The following LDB2 variants were observed in gnomAD, a reference collection of about 807,000 sequenced individuals.
LDB2 encodes LIM domain-binding protein 2.
LDB2 carries 12 observed loss-of-function variants against 44.3 expected under a neutral mutation model. That is an observed-to-expected ratio of 0.27 (90% CI 0.17 to 0.44). The LOEUF is 0.44. Among genes scored for constraint, LDB2 ranks in the 20% least tolerant of loss-of-function variants. The probability of loss-of-function intolerance (pLI) is 1.00; values close to 1 mark genes in which losing one functional copy is unlikely to be tolerated. For synonymous variants in LDB2, 164 were observed against 174.8 expected (o/e 0.94, Z 0.49); for missense variants, 344 against 473.5 (o/e 0.73, Z 2.54).
At chr4:16,747,657 A>G (rs1426675319) in intron 2 of LDB2, among the ~76,000 whole-genome samples, 1 of 152,214 alleles carries the variant, frequency 6.6e-6, no homozygotes, top group African/African-American at 2.4e-5. Context: ...TACATCTCTC[A>G]GCTAGCTAAC....
intron 1 of LDB2, among the ~76,000 whole-genome samples, chr4:16,877,811 T>C (rs1010003237): frequency 8.5e-5 from 13 of 152,146 alleles, no homozygotes; most frequent in African/African-American, 3.1e-4. Flanking sequence ...GTGTCTGCAG[T>C]TGTACCTAAA....
At chr4:16,649,943 T>A (rs1399530595) in intron 2 of LDB2, among the ~76,000 whole-genome samples, 1 of 152,224 alleles carries the variant, frequency 6.6e-6, no homozygotes, top group African/African-American at 2.4e-5. Context: ...ATTTTCCTCC[T>A]ACCTGTCAAT....
chr4:16,889,092 A>AAC (rs35916896), intron 1 of LDB2: 30,398 of 149,284 alleles, frequency 0.2, 5,541 homozygotes, highest in African/African-American at 0.5. Context: ...CACACACATA[A>AAC]ACACACACAC....
At position 16,533,096 on chromosome 4, in the gene LDB2, C is replaced by T. The variant is rs1230444485; in HGVS notation, c.616-20992G>A. 6.6e-6 allele frequency among the ~76,000 whole-genome samples: 1 copy of T among 152,124 alleles called. No individual in the cohort carries two copies. The highest frequency in any genetic ancestry group is 2.4e-5 in the African/African-American group (1 of 41,426). On this transcript the variant is annotated intron_variant, in intron 5 of 7. Coordinates refer to ENST00000304523, the MANE Select transcript of LDB2 (RefSeq NM_001290.5). This position sits in a 1 kb window ranked among gnomAD's most constrained non-coding sequence, Gnocchi z 4.1. Reference sequence around the variant, plus strand: ...TCCCAGATTTTAAAACTAGAAGTTCCAGATCCCAGGAAACCTCTCAGTCCC... The same window carrying T: ...TCCCAGATTTTAAAACTAGAAGTTCTAGATCCCAGGAAACCTCTCAGTCCC...
chr4:16,552,035 T>A (rs1480704033), intron 5 of LDB2, among the ~76,000 whole-genome samples: 1 of 152,222 alleles, frequency 6.6e-6, no homozygotes, highest in South Asian at 2.1e-4. Flanking sequence ...GCCTCTACTA[T>A]TTGTAGGCTG....
chr4:16,537,299 TC>T (rs1212556653), intron 5 of LDB2, among the ~76,000 whole-genome samples: 1 of 152,226 alleles, frequency 6.6e-6, no homozygotes, highest in East Asian at 1.9e-4. Context: ...TCCTTTATTC[TC>T]CCTTCTTCTA....
At chr4:16,825,900 T>C (rs993678066) in intron 1 of LDB2, among the ~76,000 whole-genome samples, 7 of 152,104 alleles carry the variant, frequency 4.6e-5, no homozygotes, top group Non-Finnish European at 1.0e-4. Context: ...CACCAAAATA[T>C]AGTTTATTTA....
At chr4:16,742,027 C>T in intron 2 of LDB2, among the ~76,000 whole-genome samples, 1 of 151,664 alleles carries the variant, frequency 6.6e-6, no homozygotes. Flanking sequence ...AATCCATACA[C>T]CATTTCTTTT....
intron 1 of LDB2, among the ~76,000 whole-genome samples, chr4:16,814,334 C>T (rs1010622264): frequency 3.9e-5 from 6 of 152,180 alleles, no homozygotes; most frequent in East Asian, 3.8e-4. Context: ...ATAGCAGAAC[C>T]TAGATTCAGA....
At chr4:16,513,528 G>C (rs1722581758) in intron 5 of LDB2, among the ~76,000 whole-genome samples, 1 of 152,190 alleles carries the variant, frequency 6.6e-6, no homozygotes, top group South Asian at 2.1e-4. Context: ...TGCATTTAAA[G>C]AGTGATTCTT....
intron 2 of LDB2, among the ~76,000 whole-genome samples, chr4:16,631,174 A>G (rs965239387): frequency 2.6e-5 from 4 of 152,216 alleles, no homozygotes; most frequent in African/African-American, 2.4e-5. Flanking sequence ...AATTGACCAC[A>G]TAATTGGAAA....
intron 2 of LDB2, among the ~76,000 whole-genome samples, chr4:16,604,430 T>C (rs1042486324): frequency 1.6e-4 from 24 of 151,296 alleles, no homozygotes; most frequent in African/African-American, 5.3e-4. Flanking sequence ...TCCTTTCCTA[T>C]ATATAGTCCT....
At chr4:16,583,225 T>C (rs1715426928) in intron 5 of LDB2, among the ~76,000 whole-genome samples, 1 of 152,230 alleles carries the variant, frequency 6.6e-6, no homozygotes, top group Non-Finnish European at 1.5e-5. Flanking sequence ...TACTTTCTGC[T>C]CTGCTTAATT....
intron 5 of LDB2, among the ~76,000 whole-genome samples, chr4:16,572,636 C>A (rs921781617): frequency 6.6e-6 from 1 of 151,766 alleles, no homozygotes; most frequent in Non-Finnish European, 1.5e-5. Flanking sequence ...TTTTCTTTGG[C>A]CTGACTTCAG....
intron 1 of LDB2, among the ~76,000 whole-genome samples, chr4:16,797,948 T>C (rs1359316002): frequency 1.3e-5 from 2 of 149,672 alleles, no homozygotes; most frequent in Non-Finnish European, 3.0e-5. Context: ...GGCAGGAGAA[T>C]TGCTTGAATC....
chr4:16,558,557 A>G (rs1271140896), intron 5 of LDB2, among the ~76,000 whole-genome samples: 1 of 152,266 alleles, frequency 6.6e-6, no homozygotes, highest in Non-Finnish European at 1.5e-5. Flanking sequence ...ATATGGCACT[A>G]TGTGAAAAGA....
intron 2 of LDB2, among the ~76,000 whole-genome samples, chr4:16,600,988 T>TA (rs1043904470): frequency 5.3e-5 from 8 of 151,862 alleles, no homozygotes; most frequent in Non-Finnish European, 8.8e-5. Flanking sequence ...TGAAATGCAT[T>TA]AAAAAAAACT....
rs567585104 is a variant in LDB2, at chr4:16,741,221, A to G, written c.235+17937T>C. On this transcript the variant is annotated intron_variant, in intron 2 of 7. Coordinates refer to ENST00000304523, the MANE Select transcript of LDB2 (RefSeq NM_001290.5). ...TTTTGAAAGATCTTCCTTTTAAAGC[A>G]CTACGGTTTGTCAACATGTGACTTC... 1.4e-4 allele frequency among the ~76,000 whole-genome samples: 21 copies of G among 152,346 alleles called. No individual in the cohort carries two copies. In the South Asian group the frequency reaches 3.9e-3, roughly 29 times the overall value.
At chr4:16,856,005 C>T (rs2110219234) in intron 1 of LDB2, among the ~76,000 whole-genome samples, 1 of 152,240 alleles carries the variant, frequency 6.6e-6, no homozygotes, top group South Asian at 2.1e-4. Context: ...TTGGATGTAG[C>T]AACAAAGAAT....
Sources: allele counts gnomAD v4.1 joint callset (sites outside exome capture counted in the v4.1 genomes callset), GRCh38; gene constraint gnomAD v4.1.1; non-coding constraint Gnocchi (gnomAD v3.1); transcripts MANE v1.5; gene names NCBI Gene and HGNC (gene_info 2026-07-23, HGNC 2026-07-21).